Variants in URI1 observed in about 807,000 individuals in gnomAD.
URI1 encodes the protein URI1 prefoldin like chaperone.
In URI1, 39 loss-of-function variants were observed where a neutral mutation model predicts 60.2. That is an observed-to-expected ratio of 0.65 (90% CI 0.50 to 0.85). The LOEUF (loss-of-function observed/expected upper bound fraction) is 0.85, where lower values mean the gene tolerates loss of function less well. URI1 is among the 40% of genes least tolerant of loss of function. The pLI is 0.00. For synonymous variants in URI1, 251 were observed against 236.8 expected (o/e 1.06, Z -0.55); for missense variants, 691 against 665.9 (o/e 1.04, Z -0.42).
At chr19:29,927,416 AC>A (rs1426649743) in intron 1 of URI1, among the ~76,000 whole-genome samples, 2 of 151,626 alleles carry the variant, frequency 1.3e-5, no homozygotes. Flanking sequence ...GGCACATGCC[AC>A]CACACCCGGC....
intron 2 of URI1, among the ~76,000 whole-genome samples, chr19:29,980,612 TAAAAAAAAAA>T (rs71333427): frequency 3.2e-4 from 24 of 73,860 alleles, no homozygotes; most frequent in African/African-American, 5.8e-5. Flanking sequence ...TTTTTTTTCT[TAAAAAAAAAA>T]AAAAAAAAAA....
At chr19:29,930,607 T>A (rs1443096829) in intron 1 of URI1, among the ~76,000 whole-genome samples, 1 of 152,138 alleles carries the variant, frequency 6.6e-6, no homozygotes, top group Admixed American at 6.6e-5. Flanking sequence ...GAAATTCTCG[T>A]CAAAAATCAG....
chr19:29,980,716 G>A (rs1409976664), intron 2 of URI1, among the ~76,000 whole-genome samples: 1 of 150,024 alleles, frequency 6.7e-6, no homozygotes, highest in African/African-American at 2.5e-5. Flanking sequence ...CAAGGTCAGG[G>A]TTCGAGACCA....
intron 1 of URI1, chr19:29,957,121 T>C (rs1381934626): frequency 2.3e-6 from 1 of 434,716 alleles, no homozygotes; most frequent in African/African-American, 2.0e-5. Flanking sequence ...GTAAAAGAAA[T>C]ACAATTTATG....
chr19:29,953,411 T>A (rs893504641), intron 1 of URI1, among the ~76,000 whole-genome samples: 69 of 152,184 alleles, frequency 4.5e-4, no homozygotes, highest in African/African-American at 1.6e-3. Context: ...CTCTTTATAT[T>A]CATAATCTGA....
At chr19:29,989,818 C>G (rs1660690279) in intron 4 of URI1, among the ~76,000 whole-genome samples, 1 of 151,046 alleles carries the variant, frequency 6.6e-6, no homozygotes, top group African/African-American at 2.4e-5. Context: ...AGGTGATGTG[C>G]AAATATTTTC....
At chr19:29,986,969 A>G (rs1303332142) in intron 4 of URI1, among the ~76,000 whole-genome samples, 5 of 152,184 alleles carry the variant, frequency 3.3e-5, no homozygotes, top group Non-Finnish European at 7.3e-5. Flanking sequence ...AGTTCTCTGC[A>G]TCCCTTTATT....
At chr19:29,964,459 G>GTTTTTTTTTTTTTTTTTTTTTTT (rs202018051) in intron 1 of URI1, among the ~76,000 whole-genome samples, 5 of 133,324 alleles carry the variant, frequency 3.8e-5, no homozygotes, top group African/African-American at 8.5e-5. Context: ...TTTGTTTTTT[G>GTTTTTTTTTTTTTTTTTTTTTTT]TTTTGTTTTT....
intron 2 of URI1, among the ~76,000 whole-genome samples, chr19:29,971,981 A>G (rs1703766530): frequency 6.6e-6 from 1 of 152,116 alleles, no homozygotes; most frequent in Admixed American, 6.5e-5. Context: ...CTGCCCCTTT[A>G]GTGGTGAGAT....
At position 29,967,546 on chromosome 19, in the gene URI1, A is replaced by G. The variant is rs145501407; in HGVS notation, c.118-3647A>G. On this transcript the variant is annotated intron_variant, in intron 1 of 10. Transcript: ENST00000392271. ...GATTATAATGTTAGTGAATTGGTGA[A>G]CTTAAGCTTACAGAATTTGCTTTTA... 3.5e-3 allele frequency among the ~76,000 whole-genome samples: 530 copies of G among 152,316 alleles called. 5 individuals carry two copies. The highest frequency in any genetic ancestry group is 0.012 in the African/African-American group (515 of 41,576).
upstream of URI1, among the ~76,000 whole-genome samples, chr19:29,939,307 T>C (rs2055001320): frequency 7.1e-6 from 1 of 140,020 alleles, no homozygotes; most frequent in Non-Finnish European, 1.5e-5. Flanking sequence ...CGAAGTGTCA[T>C]TCTGTTGCCC....
rs576603725 is a variant in URI1, at chr19:29,947,507, T to C, written c.117+4843T>C. Among the ~76,000 whole-genome samples, 21 of 152,362 alleles carry C rather than the reference T, an allele frequency of 1.4e-4. No individual in the cohort carries two copies. In the South Asian group the frequency reaches 4.3e-3, roughly 32 times the overall value. On this transcript the variant is annotated intron_variant, in intron 1 of 10. Coordinates refer to ENST00000392271, the MANE Select transcript of URI1 (RefSeq NM_003796.3). ...GCAGTGGACAGAAGTTCTCCCTGCT[T>C]CAGTCTTTACCACCATGTGTCTTTT...
chr19:29,937,967 T>C (rs918347994), upstream of URI1: 1 of 152,226 alleles, frequency 6.6e-6, no homozygotes, highest in Non-Finnish European at 1.5e-5. Context: ...AGCCTCTTTT[T>C]TCATCAAGAA....
chr19:30,008,742 G>T (rs780602700), intron 7 of URI1, among the ~76,000 whole-genome samples: 8 of 151,896 alleles, frequency 5.3e-5, no homozygotes, highest in Non-Finnish European at 1.2e-4. Context: ...TATTGCATAT[G>T]GCCAATATCT....
chr19:30,007,370 C>A, intron 6 of URI1, 100 bp from the exon 7 acceptor site: 1 of 1,342,694 alleles, frequency 7.4e-7, no homozygotes, highest in Non-Finnish European at 1.0e-6. Flanking sequence ...CCCTCTGTTT[C>A]AATATTTCCC....
intron 4 of URI1, among the ~76,000 whole-genome samples, chr19:29,996,630 C>G (rs1310304343): frequency 6.6e-6 from 1 of 151,974 alleles, no homozygotes; most frequent in Non-Finnish European, 1.5e-5. Context: ...GCTAGAACTT[C>G]TAGTATGTTG....
chr19:29,953,197 CAT>C (rs2055201143), intron 1 of URI1, among the ~76,000 whole-genome samples: 1 of 152,160 alleles, frequency 6.6e-6, no homozygotes, highest in South Asian at 2.1e-4. Flanking sequence ...CCATTAACCA[CAT>C]GTGGCTATTA....
At chr19:29,954,733 G>T (rs1204627745) in intron 1 of URI1, among the ~76,000 whole-genome samples, 1 of 151,816 alleles carries the variant, frequency 6.6e-6, no homozygotes, top group African/African-American at 2.4e-5. Flanking sequence ...CGCCAGGGTG[G>T]TTTCAAACTC....
At chr19:30,014,258 T>C (rs544888270) in intron 10 of URI1, 1 of 152,320 alleles carries the variant, frequency 6.6e-6, no homozygotes, top group South Asian at 2.1e-4. Flanking sequence ...GTGGAACTTC[T>C]GATTTCTGTC....
Sources: allele counts gnomAD v4.1 joint callset (sites outside exome capture counted in the v4.1 genomes callset), GRCh38; gene constraint gnomAD v4.1.1; transcripts MANE v1.5; gene names NCBI Gene and HGNC (gene_info 2026-07-23, HGNC 2026-07-21).